PCDH15: variants seen among roughly 807,000 people sequenced by gnomAD.
PCDH15 encodes protocadherin-15.
In PCDH15, 129 loss-of-function variants were observed where a neutral mutation model predicts 178.5. That is an observed-to-expected ratio of 0.72 (90% confidence interval 0.63 to 0.84). The LOEUF (loss-of-function observed/expected upper bound fraction) is 0.84, where lower values mean the gene tolerates loss of function less well. PCDH15 is among the 40% of genes least tolerant of loss of function. The pLI is 0.00. For missense variants in PCDH15, 2,230 were observed against 2,099.9 expected, an observed-to-expected ratio of 1.06 and a Z score of -1.21; for synonymous variants, 800 against 732.0, an observed-to-expected ratio of 1.09 and a Z score of -1.50.
intron 1 of PCDH15, among the ~76,000 whole-genome samples, chr10:55,169,083 T>C (rs932619107): frequency 6.6e-6 from 1 of 152,184 alleles, no homozygotes. Flanking sequence ...AACAGTACCG[T>C]TCTGGAGTTC....
At chr10:54,037,919 T>C (rs751345191) in intron 18 of PCDH15, among the ~76,000 whole-genome samples, 1 of 152,018 alleles carries the variant, frequency 6.6e-6, no homozygotes, top group Non-Finnish European at 1.5e-5. Flanking sequence ...CTCCTGCTAC[T>C]TTCATAAAGA....
chr10:53,823,126 T>G, intron 32 of PCDH15: 2 of 1,614,052 alleles, frequency 1.2e-6, no homozygotes, highest in Non-Finnish European at 1.7e-6. Flanking sequence ...GATACTTGAC[T>G]TATGTTTTCC....
intron 2 of PCDH15, among the ~76,000 whole-genome samples, chr10:54,933,444 T>A (rs1427923105): frequency 6.6e-6 from 1 of 152,230 alleles, no homozygotes; most frequent in African/African-American, 2.4e-5. Flanking sequence ...AACATGATTA[T>A]TCTTGAAGTG....
chr10:54,484,261 A>G (rs1340550674), intron 3 of PCDH15, among the ~76,000 whole-genome samples: 2 of 151,898 alleles, frequency 1.3e-5, no homozygotes, highest in African/African-American at 4.8e-5. Context: ...GCTGCTTGAC[A>G]TCCTGTGTGA....
chr10:54,559,746 A>G (rs1412600648), intron 2 of PCDH15, among the ~76,000 whole-genome samples: 2 of 149,714 alleles, frequency 1.3e-5, no homozygotes, highest in Non-Finnish European at 3.0e-5. Flanking sequence ...CAAAACAAGC[A>G]TGCTTTAGAC....
intron 2 of PCDH15, among the ~76,000 whole-genome samples, chr10:54,917,663 A>G (rs1837376080): frequency 6.6e-6 from 1 of 152,280 alleles, no homozygotes; most frequent in Non-Finnish European, 1.5e-5. Flanking sequence ...CTGCCTCTAA[A>G]GAACAAGGGC....
At chr10:55,562,727 G>A (rs529059348) in intron 2 of PCDH15, among the ~76,000 whole-genome samples, 6 of 152,104 alleles carry the variant, frequency 3.9e-5, no homozygotes, top group Admixed American at 1.3e-4. Context: ...GAAATGATAC[G>A]TGTGGGGAAA....
intron 2 of PCDH15, among the ~76,000 whole-genome samples, chr10:55,551,986 T>C (rs1325184392): frequency 6.6e-6 from 1 of 151,708 alleles, no homozygotes; most frequent in Non-Finnish European, 1.5e-5. Flanking sequence ...CGTATTTAAA[T>C]AACACATCTA....
intron 2 of PCDH15, among the ~76,000 whole-genome samples, chr10:55,357,018 T>C (rs1845097019): frequency 6.6e-6 from 1 of 151,950 alleles, no homozygotes; most frequent in Non-Finnish European, 1.5e-5. Flanking sequence ...AACACCAATA[T>C]GTTAAAGATT....
intron 2 of PCDH15, among the ~76,000 whole-genome samples, chr10:55,016,085 G>T (rs988408238): frequency 9.4e-6 from 1 of 106,496 alleles, no homozygotes; most frequent in Admixed American, 1.2e-4. Context: ...CCACCTCAAT[G>T]ACCTTTTTTT....
At chr10:55,294,513 G>A (rs1304643063) in intron 1 of PCDH15, among the ~76,000 whole-genome samples, 1 of 152,006 alleles carries the variant, frequency 6.6e-6, no homozygotes, top group Admixed American at 6.6e-5. Context: ...ATGAATCAGG[G>A]GAAATAATTC....
chr10:54,522,399 T>C (rs148306028), intron 3 of PCDH15, among the ~76,000 whole-genome samples: 7 of 152,332 alleles, frequency 4.6e-5, no homozygotes, highest in Admixed American at 1.3e-4. Flanking sequence ...CTTAAACTTA[T>C]CAGCATATTC....
chr10:53,814,711 C>T (rs1588894971), intron 35 of PCDH15, among the ~76,000 whole-genome samples: 1 of 151,910 alleles, frequency 6.6e-6, no homozygotes, highest in Admixed American at 6.6e-5. Context: ...CACGCCTGTA[C>T]TCCCAGCACT....
At chr10:55,516,208 G>A (rs1006878889) in intron 2 of PCDH15, among the ~76,000 whole-genome samples, 5 of 151,868 alleles carry the variant, frequency 3.3e-5, no homozygotes, top group East Asian at 1.9e-4. Flanking sequence ...CCCCCATACC[G>A]TTCTCATGAC....
Position 54,240,131 on chromosome 10 carries a change from A to T in PCDH15, c.877-3200T>A, listed in dbSNP as rs193217596. Among the ~76,000 whole-genome samples, 376 of 152,234 alleles carry T rather than the reference A, an allele frequency of 2.5e-3. 2 individuals are homozygous for T. Among genetic ancestry groups the T allele is most frequent in the African/African-American group, 7.9e-3 (328 of 41,550 alleles). Reference sequence around the variant, plus strand: ...TCTGCCAACACAACCTCCACAGTAGATGAAACCAGGCCTGGAAAGGGTATT... The same window carrying T: ...TCTGCCAACACAACCTCCACAGTAGTTGAAACCAGGCCTGGAAAGGGTATT... On this transcript the variant is annotated intron_variant, in intron 8 of 37. Transcript: ENST00000644397.
At chr10:55,015,405 C>T (rs1230633161) in intron 2 of PCDH15, among the ~76,000 whole-genome samples, 10 of 151,952 alleles carry the variant, frequency 6.6e-5, no homozygotes, top group Middle Eastern at 3.4e-3. Context: ...GCCTGGAAAA[C>T]GCAGACATAC....
At chr10:54,210,728 G>A (rs963711716) in intron 10 of PCDH15, among the ~76,000 whole-genome samples, 2 of 151,828 alleles carry the variant, frequency 1.3e-5, no homozygotes, top group African/African-American at 2.4e-5. Context: ...TTGGAACAGA[G>A]GGTGTGCAAG....
chr10:54,769,441 GA>G (rs1370261826), intron 1 of PCDH15, among the ~76,000 whole-genome samples: 10 of 150,422 alleles, frequency 6.6e-5, no homozygotes, highest in African/African-American at 2.5e-4. Flanking sequence ...AACATCCTGA[GA>G]TTTTTTTTTT....
chr10:54,658,441 A>G (rs2094443071), intron 2 of PCDH15, among the ~76,000 whole-genome samples: 1 of 152,168 alleles, frequency 6.6e-6, no homozygotes, highest in African/African-American at 2.4e-5. Flanking sequence ...CTCAGCAGCA[A>G]CCTTACAAGC....
Sources: gnomAD v4.1 joint callset for allele counts (sites outside exome capture counted in the v4.1 genomes callset) on GRCh38, gnomAD v4.1.1 for gene constraint, MANE v1.5 for transcripts, NCBI Gene and HGNC (gene_info 2026-07-23, HGNC 2026-07-21) for gene names.